The following RAP1GAP2 variants were observed in gnomAD, a reference collection of about 807,000 sequenced individuals.
The protein encoded by RAP1GAP2 is RAP1 GTPase activating protein 2, also known as rap1 GTPase-activating protein 2.
RAP1GAP2 carries 27 observed loss-of-function variants against 95.0 expected under a neutral mutation model. The observed-to-expected ratio is 0.28, with a 90% CI of 0.21 to 0.39. The LOEUF is 0.39. Ranked by LOEUF, RAP1GAP2 falls within the 10% of genes least tolerant of loss-of-function variation. RAP1GAP2 has a pLI of 1.00. For missense variants in RAP1GAP2, 771 were observed against 970.0 expected (o/e 0.79, Z 2.72); for synonymous variants, 373 against 380.9 (o/e 0.98, Z 0.24).
chr17:2,873,958 G>GA (rs1278701323), intron 2 of RAP1GAP2, among the ~76,000 whole-genome samples: 3 of 151,540 alleles, frequency 2.0e-5, no homozygotes, highest in Non-Finnish European at 4.4e-5. Flanking sequence ...GACGCGGTGG[G>GA]GGGGGGCGGG....
intron 11 of RAP1GAP2, among the ~76,000 whole-genome samples, chr17:2,985,868 A>C (rs932745227): frequency 2.1e-4 from 32 of 152,186 alleles, no homozygotes; most frequent in African/African-American, 7.5e-4. Flanking sequence ...TTACGGACAC[A>C]AACTTCCCAT....
intron 17 of RAP1GAP2, among the ~76,000 whole-genome samples, chr17:3,010,168 C>T (rs1451565446): frequency 6.6e-6 from 1 of 151,848 alleles, no homozygotes; most frequent in Non-Finnish European, 1.5e-5. Flanking sequence ...GGTGAAACCT[C>T]GTCTCCACTA....
chr17:2,964,221 G>T (rs1189643939), intron 7 of RAP1GAP2, among the ~76,000 whole-genome samples, 153 bp downstream of exon 7: 2 of 127,634 alleles, frequency 1.6e-5, no homozygotes, highest in East Asian at 4.8e-4. Flanking sequence ...GGTGAGGCTG[G>T]GAGAGGCTGT....
At chr17:2,986,833 G>A (rs1486339626) in intron 11 of RAP1GAP2, among the ~76,000 whole-genome samples, 1 of 152,170 alleles carries the variant, frequency 6.6e-6, no homozygotes, top group African/African-American at 2.4e-5. Context: ...AGGTCCCACA[G>A]CACACGCTGC....
chr17:2,784,421 C>T (rs2068727857), intron 1 of RAP1GAP2, among the ~76,000 whole-genome samples: 1 of 152,128 alleles, frequency 6.6e-6, no homozygotes, highest in Non-Finnish European at 1.5e-5. Context: ...CAGGTGCCTG[C>T]CATGACACCT....
chr17:2,983,358 T>C (rs1430260316), intron 10 of RAP1GAP2, among the ~76,000 whole-genome samples: 1 of 152,180 alleles, frequency 6.6e-6, no homozygotes, highest in Non-Finnish European at 1.5e-5. Flanking sequence ...TGGTGCCTTT[T>C]TGGGCTCTTT....
In RAP1GAP2 at chr17:2,963,317, T is replaced by A. The variant is rs1295643657; in HGVS notation, c.247-113T>A. 1 of 1,191,974 alleles carries A rather than the reference T, an allele frequency of 8.4e-7. No homozygotes were observed. Among genetic ancestry groups the A allele is most frequent in the Admixed American group, 1.7e-5 (1 of 58,478 alleles). 73.8% of individuals were successfully genotyped at this position (1,191,974 alleles called of 1,614,324 possible). On this transcript the variant is annotated intron_variant, in intron 5 of 24. Coordinates refer to ENST00000254695, the MANE Select transcript of RAP1GAP2 (RefSeq NM_015085.5). The surrounding 1 kb of genome is among the most constrained non-coding windows in gnomAD (Gnocchi z 4.8). Reference sequence around the variant, plus strand: ...TCTGAGCTGTTCTTCCATCGAATGTTCCTCCCTCAAAGCCCCCCCACAACA... The same window carrying A: ...TCTGAGCTGTTCTTCCATCGAATGTACCTCCCTCAAAGCCCCCCCACAACA...
At chr17:2,994,662 G>T (rs1191301871) in intron 12 of RAP1GAP2, among the ~76,000 whole-genome samples, 1 of 152,240 alleles carries the variant, frequency 6.6e-6, no homozygotes, top group Non-Finnish European at 1.5e-5. Context: ...CTTGCAGAGA[G>T]CAAAGAAAGG....
chr17:2,891,142 C>T (rs903767119), intron 2 of RAP1GAP2, among the ~76,000 whole-genome samples: 2 of 150,744 alleles, frequency 1.3e-5, no homozygotes, highest in Non-Finnish European at 1.5e-5. Context: ...ACCTATCTTT[C>T]TTTTTCTTTT....
chr17:2,892,119 C>T (rs190064821), intron 2 of RAP1GAP2, among the ~76,000 whole-genome samples: 63 of 152,150 alleles, frequency 4.1e-4, no homozygotes, highest in Middle Eastern at 6.8e-3. Context: ...CCACCGCACC[C>T]GGCCCAGATT....
At chr17:2,894,299 A>G (rs948685733) in intron 2 of RAP1GAP2, among the ~76,000 whole-genome samples, 19 of 152,282 alleles carry the variant, frequency 1.2e-4, no homozygotes, top group South Asian at 4.1e-4. Context: ...GCATGGTGGT[A>G]GGCACCTGTA....
chr17:2,969,496 CTTTT>C (rs34468461), intron 8 of RAP1GAP2, among the ~76,000 whole-genome samples: 863 of 83,734 alleles, frequency 0.01, 8 homozygotes, highest in African/African-American at 0.036. Context: ...TATATATATT[CTTTT>C]TTTTTTTTTT....
chr17:2,756,589 A>G (rs895120623), intron 1 of RAP1GAP2, among the ~76,000 whole-genome samples: 4 of 151,952 alleles, frequency 2.6e-5, no homozygotes, highest in Non-Finnish European at 4.4e-5. Flanking sequence ...ACCTCGGAGG[A>G]CTCCAAGATT....
chr17:2,900,802 CAA>C (rs2042002128), intron 2 of RAP1GAP2, among the ~76,000 whole-genome samples: 1 of 152,178 alleles, frequency 6.6e-6, no homozygotes, highest in African/African-American at 2.4e-5. Flanking sequence ...ATGAAGGAAA[CAA>C]GACACAACGA....
At chr17:2,912,300 G>A (rs1028838428) in intron 3 of RAP1GAP2, among the ~76,000 whole-genome samples, 3 of 151,864 alleles carry the variant, frequency 2.0e-5, no homozygotes, top group African/African-American at 4.9e-5. Context: ...GGGTTGGGGG[G>A]TGGTGTGTGG....
chr17:2,771,908 T>A (rs2068406127), intron 2 of RAP1GAP2, among the ~76,000 whole-genome samples: 1 of 152,202 alleles, frequency 6.6e-6, no homozygotes, highest in African/African-American at 2.4e-5. Flanking sequence ...TATTAATTTT[T>A]TTTTAAGAAA....
chr17:2,982,739 T>C (rs1480372907), intron 10 of RAP1GAP2, among the ~76,000 whole-genome samples: 1 of 150,488 alleles, frequency 6.6e-6, no homozygotes, highest in African/African-American at 2.5e-5. Flanking sequence ...CAATTTTGGT[T>C]GTCAAATCTT....
At chr17:2,822,119 A>G (rs2070331261) in intron 2 of RAP1GAP2, among the ~76,000 whole-genome samples, 1 of 152,054 alleles carries the variant, frequency 6.6e-6, no homozygotes, top group Admixed American at 6.6e-5. Flanking sequence ...GGGTTGCCCA[A>G]TCCCATGGTC....
At chr17:2,927,350 T>C (rs1293313457) in intron 3 of RAP1GAP2, among the ~76,000 whole-genome samples, 7 of 151,566 alleles carry the variant, frequency 4.6e-5, no homozygotes. Context: ...AGACGGGGTT[T>C]CACCGTGTTA....
Sources: allele counts gnomAD v4.1 joint callset (sites outside exome capture counted in the v4.1 genomes callset), GRCh38; gene constraint gnomAD v4.1.1; non-coding constraint Gnocchi (gnomAD v3.1); transcripts MANE v1.5; gene names NCBI Gene and HGNC (gene_info 2026-07-23, HGNC 2026-07-21).